SLC7A11: variants seen among roughly 807,000 people sequenced by gnomAD.
The protein encoded by SLC7A11 is solute carrier family 7 member 11, also known as cystine/glutamate transporter.
SLC7A11 carries 35 observed loss-of-function variants against 54.5 expected under a neutral mutation model. That is an observed-to-expected ratio of 0.64 (90% CI 0.49 to 0.85). The LOEUF (loss-of-function observed/expected upper bound fraction) is 0.85. Among genes scored for constraint, SLC7A11 ranks in the 40% least tolerant of loss-of-function variants. SLC7A11 has a pLI of 0.00. For synonymous variants in SLC7A11, 230 were observed against 225.2 expected (o/e 1.02, Z -0.19); for missense variants, 583 against 618.1 (o/e 0.94, Z 0.60).
intron 1 of SLC7A11, among the ~76,000 whole-genome samples, chr4:138,238,513 T>C (rs1738296295): frequency 6.6e-6 from 1 of 152,242 alleles, no homozygotes; most frequent in Non-Finnish European, 1.5e-5. Flanking sequence ...AAATATAATT[T>C]GGATATTCAG....
intron 4 of SLC7A11, among the ~76,000 whole-genome samples, chr4:138,221,368 T>C (rs1353576141): frequency 1.3e-5 from 2 of 152,174 alleles, no homozygotes; most frequent in Non-Finnish European, 1.5e-5. Flanking sequence ...ATGATTAGAA[T>C]AGAAATAAAA....
intron 6 of SLC7A11, among the ~76,000 whole-genome samples, chr4:138,195,541 C>A (rs1737110526): frequency 6.7e-6 from 1 of 149,664 alleles, no homozygotes. Flanking sequence ...CTCTCCCTGG[C>A]ATGCTGCTCC....
intron 3 of SLC7A11, among the ~76,000 whole-genome samples, chr4:138,228,591 T>C (rs934372099): frequency 2.0e-5 from 3 of 151,632 alleles, no homozygotes; most frequent in Non-Finnish European, 4.4e-5. Context: ...ACTCCGTCTC[T>C]ACTAAAAATA....
At chr4:138,174,520 T>A (rs1412998014) in intron 11 of SLC7A11, 1 of 152,252 alleles carries the variant, frequency 6.6e-6, no homozygotes. Context: ...AGTAATTGAT[T>A]TTGACCATGA....
At chr4:138,226,295 TG>T (rs1181687068) in intron 3 of SLC7A11, among the ~76,000 whole-genome samples, 4 of 152,178 alleles carry the variant, frequency 2.6e-5, no homozygotes, top group African/African-American at 9.7e-5. Flanking sequence ...ATCCCATTGC[TG>T]GGTACTTGAT....
intron 6 of SLC7A11, among the ~76,000 whole-genome samples, chr4:138,198,888 T>C (rs1355486806): frequency 6.6e-6 from 1 of 152,066 alleles, no homozygotes; most frequent in Non-Finnish European, 1.5e-5. Context: ...AACTAACATC[T>C]AGGTGATATA....
At chr4:138,236,232 A>G in intron 2 of SLC7A11, 93 bp downstream of exon 2, 1 of 994,030 alleles carries the variant, frequency 1.0e-6, no homozygotes, top group Non-Finnish European at 1.5e-6. Context: ...TAGTCACATG[A>G]CATGCATGTG....
At chr4:138,230,991 AT>A (rs1400083094) in intron 3 of SLC7A11, among the ~76,000 whole-genome samples, 1 of 152,166 alleles carries the variant, frequency 6.6e-6, no homozygotes, top group Admixed American at 6.5e-5. Context: ...ACCATTTTTT[AT>A]TGTCTTCTTA....
intron 1 of SLC7A11, among the ~76,000 whole-genome samples, chr4:138,238,691 C>G (rs750151761): frequency 6.6e-6 from 1 of 152,050 alleles, no homozygotes; most frequent in Non-Finnish European, 1.5e-5. Context: ...CCTCTGCCTC[C>G]TGAGCTCAAG....
chr4:138,204,273 C>G (rs1468867125), intron 6 of SLC7A11, among the ~76,000 whole-genome samples: 1 of 152,046 alleles, frequency 6.6e-6, no homozygotes, highest in Non-Finnish European at 1.5e-5. Context: ...AATTACTTCA[C>G]TACTCTGAAC....
rs1289859820 is a variant in SLC7A11, at chr4:138,228,150, G to C, written c.520+4117C>G. On this transcript the variant is annotated intron_variant, in intron 3 of 11. Coordinates refer to ENST00000280612, the MANE Select transcript of SLC7A11 (RefSeq NM_014331.4). Reference sequence around the variant, plus strand: ...ACAATCACAAATGTTATTTTTGCTTGTTCCTCCCAATTACTTTCAAAAGTT... The same window carrying C: ...ACAATCACAAATGTTATTTTTGCTTCTTCCTCCCAATTACTTTCAAAAGTT... Among the ~76,000 whole-genome samples, 3 of 152,014 alleles carry C rather than the reference G, an allele frequency of 2.0e-5. No homozygotes were observed. The East Asian group carries it at 5.8e-4, about 29-fold the overall frequency.
At chr4:138,222,220 G>C (rs1737831603) in intron 4 of SLC7A11, among the ~76,000 whole-genome samples, 1 of 152,178 alleles carries the variant, frequency 6.6e-6, no homozygotes, top group Non-Finnish European at 1.5e-5. Context: ...CCCTTTCCCA[G>C]CTCCAGAGTG....
intron 9 of SLC7A11, among the ~76,000 whole-genome samples, chr4:138,181,532 C>T (rs967591371): frequency 6.6e-6 from 1 of 151,972 alleles, no homozygotes; most frequent in Non-Finnish European, 1.5e-5. Context: ...AGAGAGTACA[C>T]ATACTTTAAA....
rs1736350015 is a variant in SLC7A11 at position 138,169,331 on chromosome 4, A to G, written c.*2625T>C. The G allele has an allele frequency of 6.6e-6, 1 of 152,146 alleles. No individual in the cohort carries two copies. The highest frequency in any genetic ancestry group is 6.6e-5 in the Admixed American group (1 of 15,256). The allele number at this position is 152,146 out of a possible 1,614,324, so 9.4% of individuals were successfully genotyped here. Reference sequence around the variant, plus strand: ...ATTATGGATATTAATTTCCTGATTAAAGGAACTGTGTCTTCTCATGATGAG... The same window carrying G: ...ATTATGGATATTAATTTCCTGATTAGAGGAACTGTGTCTTCTCATGATGAG... On this transcript the variant is annotated 3_prime_UTR_variant, in exon 12 of 12. Transcript: ENST00000280612.
At chr4:138,228,496 T>A (rs1005361219) in intron 3 of SLC7A11, among the ~76,000 whole-genome samples, 2 of 152,046 alleles carry the variant, frequency 1.3e-5, no homozygotes, top group African/African-American at 4.8e-5. Context: ...CGATGGCTCA[T>A]GCCTGTAATC....
At chr4:138,222,124 C>T (rs1187781440) in intron 4 of SLC7A11, among the ~76,000 whole-genome samples, 1 of 152,224 alleles carries the variant, frequency 6.6e-6, no homozygotes, top group East Asian at 1.9e-4. Context: ...TCTGCATTGG[C>T]TGCTGTTGCT....
Position 138,236,403 on chromosome 4 carries a change from CCT to C in SLC7A11, c.324_325del (p.Gly109SerfsTer50), listed in dbSNP as rs1738208600. The C allele has an allele frequency of 2.5e-6, 4 of 1,612,626 alleles. No individual in the cohort carries two copies. The highest frequency in any genetic ancestry group is 3.4e-6 in the Non-Finnish European group (4 of 1,179,148). On this transcript the variant is annotated frameshift_variant, in exon 2 of 12. Coordinates refer to ENST00000280612, the MANE Select transcript of SLC7A11 (RefSeq NM_014331.4). LOFTEE classifies it high-confidence loss of function. ...GACTTCCAAAATATATGTGTAATGA[CCT>C]CCAGATTTCTTTATAGTTGTTCCCA...
chr4:138,182,838 C>T (rs1344356314), intron 8 of SLC7A11, among the ~76,000 whole-genome samples: 2 of 152,032 alleles, frequency 1.3e-5, no homozygotes, highest in African/African-American at 4.8e-5. Context: ...TCAAACTAAA[C>T]AAAGGAAATA....
intron 5 of SLC7A11, among the ~76,000 whole-genome samples, chr4:138,217,476 G>A (rs1737706573): frequency 1.3e-5 from 2 of 152,132 alleles, no homozygotes; most frequent in Non-Finnish European, 2.9e-5. Flanking sequence ...AAATTCATCA[G>A]CCCTCAAAAG....
Sources: allele counts gnomAD v4.1 joint callset (sites outside exome capture counted in the v4.1 genomes callset), GRCh38; gene constraint gnomAD v4.1.1; transcripts MANE v1.5; gene names NCBI Gene and HGNC (gene_info 2026-07-23, HGNC 2026-07-21).